Variants in PLD1 observed in about 807,000 individuals in gnomAD.
PLD1 encodes the protein choline phosphatase 1.
A neutral mutation model predicts 137.1 loss-of-function variants in PLD1; 112 were observed. The observed-to-expected ratio is 0.82, with a 90% CI of 0.70 to 0.96. PLD1 has a LOEUF of 0.96. PLD1 is among the 40% of genes least tolerant of loss of function. The pLI is 0.00. For synonymous variants in PLD1, 431 were observed against 454.7 expected (o/e 0.95, Z 0.66); for missense variants, 1,321 against 1,342.0 (o/e 0.98, Z 0.24).
At chr3:171,614,431 A>T (rs941102462) in intron 24 of PLD1, among the ~76,000 whole-genome samples, 10 of 152,238 alleles carry the variant, frequency 6.6e-5, no homozygotes, top group Non-Finnish European at 8.8e-5. Context: ...ATAATAATAT[A>T]GACCTTGTAG....
chr3:171,674,064 T>C (rs1474181702), intron 19 of PLD1, among the ~76,000 whole-genome samples: 1 of 152,234 alleles, frequency 6.6e-6, no homozygotes, highest in Non-Finnish European at 1.5e-5. Flanking sequence ...TGTGACTCTA[T>C]TAAGCAAATT....
At chr3:171,770,788 T>C (rs183508952) in intron 1 of PLD1, among the ~76,000 whole-genome samples, 1 of 146,120 alleles carries the variant, frequency 6.8e-6, no homozygotes. Flanking sequence ...ATTCAGGAGG[T>C]TGAGGTGGGA....
intron 21 of PLD1, among the ~76,000 whole-genome samples, chr3:171,655,932 T>G (rs1737151596): frequency 6.6e-6 from 1 of 152,182 alleles, no homozygotes; most frequent in South Asian, 2.1e-4. Flanking sequence ...ATTTGAAATT[T>G]GATGAACTAA....
intron 19 of PLD1, among the ~76,000 whole-genome samples, chr3:171,664,201 G>T (rs908692805): frequency 1.3e-5 from 2 of 151,530 alleles, no homozygotes; most frequent in Non-Finnish European, 2.9e-5. Context: ...TATCCACACT[G>T]GAAAAATATC....
intron 1 of PLD1, among the ~76,000 whole-genome samples, chr3:171,768,435 A>G (rs1722122409): frequency 1.3e-5 from 2 of 152,214 alleles, no homozygotes; most frequent in Admixed American, 6.5e-5. Flanking sequence ...TAAACTGCAG[A>G]TGAAAAGCCT....
intron 9 of PLD1, among the ~76,000 whole-genome samples, chr3:171,710,548 A>C (rs1402438801): frequency 6.6e-6 from 1 of 152,190 alleles, no homozygotes; most frequent in Admixed American, 6.5e-5. Flanking sequence ...GCTGTGGCTG[A>C]TCTGACAGAA....
chr3:171,740,948 T>C (rs891735860), intron 1 of PLD1, among the ~76,000 whole-genome samples: 3 of 152,222 alleles, frequency 2.0e-5, no homozygotes, highest in Admixed American at 1.3e-4. Flanking sequence ...TAAAATCTTA[T>C]GGAGTTGGTT....
intron 21 of PLD1, among the ~76,000 whole-genome samples, chr3:171,645,741 G>A (rs923718437): frequency 6.6e-4 from 100 of 152,016 alleles, no homozygotes; most frequent in Middle Eastern, 3.4e-3. Context: ...AAAATTAGCC[G>A]GGCGTGGTGG....
chr3:171,801,588 G>T (rs1177480134), intron 1 of PLD1, among the ~76,000 whole-genome samples: 1 of 151,982 alleles, frequency 6.6e-6, no homozygotes, highest in Non-Finnish European at 1.5e-5. Context: ...ACCACCACAC[G>T]CAGCTAATTT....
At chr3:171,649,185 T>C (rs1736518860) in intron 21 of PLD1, among the ~76,000 whole-genome samples, 1 of 152,168 alleles carries the variant, frequency 6.6e-6, no homozygotes, top group South Asian at 2.1e-4. Flanking sequence ...TATAAAAATA[T>C]TATAAAACAT....
At chr3:171,806,982 T>C (rs1276531742) in intron 1 of PLD1, among the ~76,000 whole-genome samples, 1 of 152,254 alleles carries the variant, frequency 6.6e-6, no homozygotes, top group Non-Finnish European at 1.5e-5. Context: ...TTAAACAGTC[T>C]GGCTATGGCT....
Position 171,612,895 on chromosome 3 carries a change from T to C in PLD1, c.2729-463A>G, listed in dbSNP as rs1477555890. ...GCTAAGTAGAAAAAAGAGCCAGGCA[T>C]GGTGGCTCATGTCTGTAATCCCAGT... On this transcript the variant is annotated intron_variant, in intron 24 of 26. Transcript: ENST00000351298. The surrounding 1 kb of genome is among the most constrained non-coding windows in gnomAD (Gnocchi z 4.1). Among the ~76,000 whole-genome samples, 5 of 152,232 alleles carry C rather than the reference T, an allele frequency of 3.3e-5. No individual in the cohort carries two copies. Among genetic ancestry groups the C allele is most frequent in the African/African-American group, 1.2e-4 (5 of 41,538 alleles).
intron 19 of PLD1, among the ~76,000 whole-genome samples, chr3:171,668,912 T>C (rs1712445949): frequency 6.6e-6 from 1 of 152,230 alleles, no homozygotes; most frequent in Non-Finnish European, 1.5e-5. Context: ...CTTCTCTGTG[T>C]AGAAGCAGTT....
chr3:171,704,069 A>T (rs1020061273), intron 11 of PLD1, among the ~76,000 whole-genome samples: 1 of 152,234 alleles, frequency 6.6e-6, no homozygotes, highest in Non-Finnish European at 1.5e-5. Flanking sequence ...AGAGGAGCTC[A>T]GAAAAGCAGC....
At chr3:171,772,938 T>C (rs1344386357) in intron 1 of PLD1, among the ~76,000 whole-genome samples, 1 of 152,198 alleles carries the variant, frequency 6.6e-6, no homozygotes, top group Non-Finnish European at 1.5e-5. Flanking sequence ...TGATAAATAA[T>C]ATTGATCTCT....
intron 21 of PLD1, among the ~76,000 whole-genome samples, chr3:171,654,702 A>T (rs1737049141): frequency 6.6e-6 from 1 of 152,190 alleles, no homozygotes; most frequent in Non-Finnish European, 1.5e-5. Flanking sequence ...CTGATCGCCA[A>T]TCACATTTGA....
intron 6 of PLD1, among the ~76,000 whole-genome samples, chr3:171,732,834 G>A (rs1185276899): frequency 1.3e-5 from 2 of 152,116 alleles, no homozygotes; most frequent in Non-Finnish European, 2.9e-5. Context: ...GCTGACACTA[G>A]AAAACCCACT....
At chr3:171,670,850 TTTAAAAA>T (rs1293264594) in intron 19 of PLD1, among the ~76,000 whole-genome samples, 1 of 152,246 alleles carries the variant, frequency 6.6e-6, no homozygotes, top group Non-Finnish European at 1.5e-5. Flanking sequence ...TTCTAACTAC[TTTAAAAA>T]TTAAGAAGTG....
At chr3:171,776,917 A>AT (rs919981114) in intron 1 of PLD1, among the ~76,000 whole-genome samples, 4 of 152,198 alleles carry the variant, frequency 2.6e-5, no homozygotes, top group Admixed American at 2.6e-4. Context: ...TTTCAAACAA[A>AT]TTTTATCTCA....
Sources: allele counts gnomAD v4.1 joint callset (sites outside exome capture counted in the v4.1 genomes callset), GRCh38; gene constraint gnomAD v4.1.1; non-coding constraint Gnocchi (gnomAD v3.1); transcripts MANE v1.5; gene names NCBI Gene and HGNC (gene_info 2026-07-23, HGNC 2026-07-21).